Variants in LRP1B observed in about 807,000 individuals in gnomAD.
LRP1B encodes the protein LDL receptor related protein 1B.
A neutral mutation model predicts 556.6 loss-of-function variants in LRP1B; 217 were observed. That is an observed-to-expected ratio of 0.39 (90% confidence interval 0.35 to 0.44). The LOEUF is 0.44. Among genes scored for constraint, LRP1B ranks in the 20% least tolerant of loss-of-function variants. LRP1B has a pLI of 1.00. For missense variants in LRP1B, 5,053 were observed against 5,620.8 expected, an observed-to-expected ratio of 0.90 and a Z score of 3.23; for synonymous variants, 2,047 against 1,865.8, an observed-to-expected ratio of 1.10 and a Z score of -2.50.
intron 2 of LRP1B, among the ~76,000 whole-genome samples, chr2:141,708,498 C>A (rs879647135): frequency 2.6e-5 from 4 of 152,120 alleles, no homozygotes; most frequent in African/African-American, 4.8e-5. Flanking sequence ...TGCTTACAAT[C>A]TATTTTTAAA....
At chr2:140,634,844 A>G (rs1459506022) in intron 41 of LRP1B, among the ~76,000 whole-genome samples, 1 of 152,110 alleles carries the variant, frequency 6.6e-6, no homozygotes, top group Non-Finnish European at 1.5e-5. Context: ...ATCCTGAGAG[A>G]CACGACAACT....
At chr2:141,859,359 T>C (rs770260157) in intron 1 of LRP1B, among the ~76,000 whole-genome samples, 1 of 152,148 alleles carries the variant, frequency 6.6e-6, no homozygotes, top group Non-Finnish European at 1.5e-5. Context: ...ATAAAAGGCA[T>C]TGGGCCATCC....
chr2:140,352,444 G>A (rs1682008373), intron 76 of LRP1B, among the ~76,000 whole-genome samples: 1 of 152,114 alleles, frequency 6.6e-6, no homozygotes, highest in African/African-American at 2.4e-5. Context: ...AAGGTGCTGG[G>A]ATTACAGGCA....
At chr2:142,016,895 T>C (rs12619152) in intron 1 of LRP1B, among the ~76,000 whole-genome samples, 5 of 149,070 alleles carry the variant, frequency 3.4e-5, no homozygotes, top group Admixed American at 2.7e-4. Context: ...TATATGTATA[T>C]ACACACACAT....
At chr2:140,381,524 T>G (rs1447926082) in intron 67 of LRP1B, among the ~76,000 whole-genome samples, 1 of 152,112 alleles carries the variant, frequency 6.6e-6, no homozygotes, top group Non-Finnish European at 1.5e-5. Context: ...TTGCAGGGTA[T>G]GTTTTCCATG....
At chr2:141,583,776 C>T (rs574380510) in intron 2 of LRP1B, among the ~76,000 whole-genome samples, 55 of 151,968 alleles carry the variant, frequency 3.6e-4, no homozygotes, top group Admixed American at 1.3e-4. Context: ...AGTCTTGCTC[C>T]GTCGCCAGGC....
At chr2:141,586,015 G>T (rs1201740204) in intron 2 of LRP1B, among the ~76,000 whole-genome samples, 1 of 151,994 alleles carries the variant, frequency 6.6e-6, no homozygotes, top group Non-Finnish European at 1.5e-5. Flanking sequence ...ACAATGCCTG[G>T]CTAGAAGAAA....
intron 4 of LRP1B, among the ~76,000 whole-genome samples, chr2:141,253,020 C>T (rs190868037): frequency 1.3e-5 from 2 of 152,284 alleles, no homozygotes; most frequent in Non-Finnish European, 2.9e-5. Context: ...CAGGAATCTA[C>T]GTATTTAACT....
chr2:141,402,162 T>C (rs1690472816), intron 3 of LRP1B, among the ~76,000 whole-genome samples: 1 of 152,160 alleles, frequency 6.6e-6, no homozygotes, highest in African/African-American at 2.4e-5. Context: ...TTTTTCTAGC[T>C]TTAAATCAAA....
At chr2:140,388,830 CT>C (rs1186676546) in intron 66 of LRP1B, among the ~76,000 whole-genome samples, 1 of 152,126 alleles carries the variant, frequency 6.6e-6, no homozygotes, top group Non-Finnish European at 1.5e-5. Flanking sequence ...TAAAATATCT[CT>C]TTGCCCAAAC....
chr2:141,963,891 C>A (rs1037494949), intron 1 of LRP1B, among the ~76,000 whole-genome samples: 1 of 132,584 alleles, frequency 7.5e-6, no homozygotes, highest in Admixed American at 7.8e-5. Context: ...GCAACTTCAG[C>A]AAAGTCTCAG....
At chr2:141,488,634 T>A (rs1432207007) in intron 2 of LRP1B, among the ~76,000 whole-genome samples, 3 of 149,346 alleles carry the variant, frequency 2.0e-5, no homozygotes, top group Non-Finnish European at 4.4e-5. Flanking sequence ...AATTCTTTTA[T>A]TTTTTTTGTA....
chr2:141,873,459 C>T (rs1042109483), intron 1 of LRP1B, among the ~76,000 whole-genome samples: 1 of 151,798 alleles, frequency 6.6e-6, no homozygotes, highest in East Asian at 1.9e-4. Flanking sequence ...GAGTTCTCAT[C>T]ATGGGAGAAG....
rs545187912 is a variant in LRP1B, at chr2:141,074,527, A to G, written c.1014-12254T>C. On this transcript the variant is annotated intron_variant, in intron 7 of 90. Transcript: ENST00000389484. Reference sequence around the variant, plus strand: ...AGTGTTATATGCTTAGAACTTAGCCATATGTCTGCACATACTAAGTTCTTT... The same window carrying G: ...AGTGTTATATGCTTAGAACTTAGCCGTATGTCTGCACATACTAAGTTCTTT... Among the ~76,000 whole-genome samples, 19 of 150,680 alleles carry G rather than the reference A, an allele frequency of 1.3e-4. 1 individual carries two copies. In the East Asian group the frequency reaches 2.0e-3, roughly 15 times the overall value.
At chr2:141,761,811 C>G (rs1187464419) in intron 2 of LRP1B, among the ~76,000 whole-genome samples, 1 of 152,120 alleles carries the variant, frequency 6.6e-6, no homozygotes. Flanking sequence ...AATATTGAAA[C>G]TGTGAACTAC....
intron 75 of LRP1B, among the ~76,000 whole-genome samples, 194 bp from the exon 76 acceptor site, chr2:140,353,266 T>G (rs13016118): frequency 6.6e-6 from 1 of 152,168 alleles, no homozygotes; most frequent in Non-Finnish European, 1.5e-5. Context: ...AGTAGAAGAT[T>G]TATCAATTGT....
intron 35 of LRP1B, among the ~76,000 whole-genome samples, chr2:140,751,474 CT>C (rs1461083634): frequency 3.3e-5 from 5 of 152,112 alleles, no homozygotes; most frequent in African/African-American, 9.7e-5. Flanking sequence ...TCTATCATGG[CT>C]TTTGGGATAT....
intron 15 of LRP1B, among the ~76,000 whole-genome samples, chr2:141,004,792 C>T (rs747186910): frequency 3.3e-5 from 5 of 152,022 alleles, no homozygotes; most frequent in Non-Finnish European, 5.9e-5. Context: ...TTTCAAAAGT[C>T]ATAACAGAAT....
At chr2:141,855,959 A>T (rs1488570938) in intron 1 of LRP1B, among the ~76,000 whole-genome samples, 1 of 152,196 alleles carries the variant, frequency 6.6e-6, no homozygotes, top group Non-Finnish European at 1.5e-5. Context: ...AAATCAGTTT[A>T]AACAAAACAA....
Sources: allele counts gnomAD v4.1 joint callset (sites outside exome capture counted in the v4.1 genomes callset), GRCh38; gene constraint gnomAD v4.1.1; transcripts MANE v1.5; gene names NCBI Gene and HGNC (gene_info 2026-07-23, HGNC 2026-07-21).